MYO10: variants seen among roughly 807,000 people sequenced by gnomAD.
MYO10 encodes myosin X.
In MYO10, 133 loss-of-function variants were observed where a neutral mutation model predicts 257.3. That is an observed-to-expected ratio of 0.52 (90% CI 0.45 to 0.60). The LOEUF is 0.60. MYO10 is among the 20% of genes least tolerant of loss of function. The pLI is 0.00. For synonymous variants in MYO10, 1,104 were observed against 1,028.6 expected, an observed-to-expected ratio of 1.07 and a Z score of -1.40; for missense variants, 2,399 against 2,635.7, an observed-to-expected ratio of 0.91 and a Z score of 1.97.
intron 4 of MYO10, 77 bp from the exon 5 acceptor site, chr5:16,783,546 T>A: frequency 7.0e-7 from 1 of 1,423,076 alleles, no homozygotes; most frequent in Non-Finnish European, 9.6e-7. Flanking sequence ...AATGGCACTA[T>A]AATTACTCAA....
At chr5:16,894,204 T>A (rs78385918) in intron 1 of MYO10, among the ~76,000 whole-genome samples, 5,361 of 152,268 alleles carry the variant, frequency 0.035, 138 homozygotes, top group African/African-American at 0.066. Context: ...TTCCACCTAA[T>A]GTCCTTTTTC....
chr5:16,662,623 A>C lies in MYO10; in HGVS notation c.*4069T>G, dbSNP rs575782428. 6.6e-6 allele frequency: 1 copy of C among 152,148 alleles called. No homozygotes were observed. Among genetic ancestry groups the C allele is most frequent in the East Asian group, 1.9e-4 (1 of 5,152 alleles). 9.4% of individuals were successfully genotyped at this position (152,148 alleles called of 1,614,324 possible). On this transcript the variant is annotated 3_prime_UTR_variant, in exon 41 of 41. Coordinates refer to ENST00000513610, the MANE Select transcript of MYO10 (RefSeq NM_012334.3). ...AGGCGTGAGCCAGCATGCCTGGCTG[A>C]AACTATTTTTACAGAGAACTTAGGT...
In MYO10 at chr5:16,694,412, G is replaced by C; in HGVS notation, c.3759C>G (p.Ser1253Arg). The C allele has an allele frequency of 6.2e-7, 1 of 1,614,008 alleles. No individual in the cohort carries two copies. Among genetic ancestry groups the C allele is most frequent in the Non-Finnish European group, 8.5e-7 (1 of 1,179,898 alleles). Residue 1253 changes from serine (S) to arginine (R), a missense_variant, in exon 27 of 41, where the codon AGC becomes AGG. By Grantham distance (110) the Ser-to-Arg change is moderately radical. This residue lies in a region of MYO10 where 1,820 missense variants were observed against 1,939.4 expected (regional missense o/e 0.94). Coordinates refer to ENST00000513610, the MANE Select transcript of MYO10 (RefSeq NM_012334.3). ...CTACGGTGCCCTTGAGCTTCTCCTC[G>C]CTGTCGTTTTCAAAGTACATCAGCT... Reference protein sequence around the residue: ...QSKLMYFENDSEEKLKGTVEV... With the variant: ...QSKLMYFENDREEKLKGTVEV...
At chr5:16,711,286 A>C in intron 19 of MYO10, 41 bp from the exon 20 acceptor site, 1 of 1,579,810 alleles carries the variant, frequency 6.3e-7, no homozygotes, top group African/African-American at 1.4e-5. Context: ...CCATTAGAAA[A>C]AATGGAATTC....
At chr5:16,867,147 C>T (rs1390065813) in intron 2 of MYO10, among the ~76,000 whole-genome samples, 3 of 152,228 alleles carry the variant, frequency 2.0e-5, no homozygotes, top group Non-Finnish European at 2.9e-5. Flanking sequence ...CCTTCCTGGG[C>T]TCTCAGATAA....
At chr5:16,826,075 G>A (rs1224255840) in intron 2 of MYO10, among the ~76,000 whole-genome samples, 1 of 152,060 alleles carries the variant, frequency 6.6e-6, no homozygotes. Flanking sequence ...TTGAACCCGG[G>A]AGGCGGAGGT....
At chr5:16,716,154 C>A (rs774657332) in intron 19 of MYO10, among the ~76,000 whole-genome samples, 38 of 151,620 alleles carry the variant, frequency 2.5e-4, no homozygotes, top group African/African-American at 8.7e-4. Context: ...GGAGACAGGA[C>A]GAAATCTATG....
intron 4 of MYO10, among the ~76,000 whole-genome samples, chr5:16,790,197 A>G (rs1392617231): frequency 6.6e-6 from 1 of 152,076 alleles, no homozygotes; most frequent in East Asian, 1.9e-4. Context: ...TCAAGTTTTG[A>G]AAAACCAAAA....
At chr5:16,693,450 C>A (rs1469952027) in intron 27 of MYO10, among the ~76,000 whole-genome samples, 2 of 152,234 alleles carry the variant, frequency 1.3e-5, no homozygotes, top group East Asian at 3.8e-4. Context: ...GTCCAATATT[C>A]TGCCGTCTGC....
At position 16,818,126 on chromosome 5, in the gene MYO10, C is replaced by T; in HGVS notation, c.162G>A (p.Val54=). The change falls in exon 3 of 41, where the codon GTG becomes GTA. Residue 54 remains valine (V), a synonymous_variant. Coordinates refer to ENST00000513610, the MANE Select transcript of MYO10 (RefSeq NM_012334.3). ...CCTCGTTCGTGGGGTGCATAGCAGT[C>T]ACCTTCTGGTGGGTAATTGTGCTCT... is the stretch of plus-strand genomic sequence containing the variant. ...YKQSTITHQK[V]TAMHPTNEEG... is the part of the protein sequence containing the mutation. 6.2e-7 allele frequency: 1 copy of T among 1,607,458 alleles called. No homozygotes were observed. Among genetic ancestry groups the T allele is most frequent in the African/African-American group, 1.3e-5 (1 of 74,900 alleles).
intron 2 of MYO10, among the ~76,000 whole-genome samples, chr5:16,870,762 T>G (rs183660361): frequency 4.6e-4 from 70 of 152,078 alleles, no homozygotes; most frequent in East Asian, 3.7e-3. Flanking sequence ...CATGGTGGCA[T>G]GCGCCTGTAA....
At position 16,675,086 on chromosome 5, in the gene MYO10, C is replaced by T. The variant is rs2126477343; in HGVS notation, c.4731G>A (p.Gln1577=). ...DEAIKIFNSL[Q]QLESMSDPIP... ...TTGGGTCAGACATGGACTCCAGTTG[C>T]TGCAGGGAATTGAATATCTTGATGG... Residue 1577 remains glutamine, a synonymous_variant, in exon 35 of 41, where the codon CAG becomes CAA. Transcript: ENST00000513610. The T allele has an allele frequency of 6.2e-7, 1 of 1,613,962 alleles. No homozygotes were observed. The highest frequency in any genetic ancestry group is 1.3e-5 in the African/African-American group (1 of 75,038).
At chr5:16,713,430 A>G (rs2126582649) in intron 19 of MYO10, 15 of 985,752 alleles carry the variant, frequency 1.5e-5, no homozygotes, top group Non-Finnish European at 1.8e-5. Flanking sequence ...CCCCACAGCT[A>G]AAGACATGGA....
chr5:16,839,444 A>G (rs1308221719), intron 2 of MYO10, among the ~76,000 whole-genome samples: 1 of 152,140 alleles, frequency 6.6e-6, no homozygotes, highest in African/African-American at 2.4e-5. Context: ...CAATCTCATG[A>G]TCAAATTGGG....
chr5:16,819,976 G>A (rs1422836532), intron 2 of MYO10, among the ~76,000 whole-genome samples: 1 of 152,202 alleles, frequency 6.6e-6, no homozygotes, highest in Non-Finnish European at 1.5e-5. Flanking sequence ...GCTGCTTCCT[G>A]GGCTCAGACA....
At chr5:16,856,112 C>A (rs2042992362) in intron 2 of MYO10, among the ~76,000 whole-genome samples, 1 of 152,210 alleles carries the variant, frequency 6.6e-6, no homozygotes. Flanking sequence ...GCATTCAAGT[C>A]TTCATCTAGG....
chr5:16,821,982 CA>C (rs35589852), intron 2 of MYO10, among the ~76,000 whole-genome samples: 36 of 144,514 alleles, frequency 2.5e-4, no homozygotes, highest in African/African-American at 5.9e-4. Context: ...ATGTGTATTT[CA>C]AAAAAAAAAA....
intron 19 of MYO10, among the ~76,000 whole-genome samples, chr5:16,726,725 T>C (rs965078089): frequency 2.6e-5 from 4 of 152,202 alleles, no homozygotes; most frequent in African/African-American, 9.6e-5. Flanking sequence ...CTGAATGAAA[T>C]TTATCACAAT....
In MYO10 at chr5:16,679,524, G is replaced by GTTTTTTTTTTTTTTTTTTTT. The variant is rs33919452; in HGVS notation, c.4542+422_4542+423insAAAAAAAAAAAAAAAAAAAA. Reference sequence around the variant, plus strand: ...TTAACCAAGCGCTAGTTTTTTGGGTGTTTTTTTTTTTTTTTTTTGAGACGA... The same window carrying GTTTTTTTTTTTTTTTTTTTT: ...TTAACCAAGCGCTAGTTTTTTGGGTGTTTTTTTTTTTTTTTTTTTTTTTTTTTTTTTTTTTTTTGAGACGA... On this transcript the variant is annotated intron_variant, in intron 33 of 40. Transcript: ENST00000513610. Among the ~76,000 whole-genome samples, 138 of 122,624 alleles carry GTTTTTTTTTTTTTTTTTTTT rather than the reference G, an allele frequency of 1.1e-3. 5 individuals are homozygous for GTTTTTTTTTTTTTTTTTTTT. The highest frequency in any genetic ancestry group is 3.0e-3 in the African/African-American group (94 of 31,070). The allele number at this position is 122,624 out of a possible 152,430, so 80.4% of individuals were successfully genotyped here.
Sources: allele counts gnomAD v4.1 joint callset (sites outside exome capture counted in the v4.1 genomes callset), GRCh38; gene constraint gnomAD v4.1.1; regional missense constraint gnomAD v4.1.1; transcripts MANE v1.5; gene names NCBI Gene and HGNC (gene_info 2026-07-23, HGNC 2026-07-21).